HDAC9: variants seen among roughly 807,000 people sequenced by gnomAD.
The protein encoded by HDAC9 is MEF-2 interacting transcription repressor (MITR) protein.
Under a neutral mutation model 139.4 loss-of-function variants are expected in HDAC9, and 41 were observed. The ratio of observed to expected loss-of-function variants is 0.29; its 90% CI spans 0.23 to 0.38. The LOEUF is 0.38. HDAC9 is among the 10% of genes least tolerant of loss of function. The pLI is 1.00. For synonymous variants in HDAC9, 517 were observed against 476.2 expected (o/e 1.09, Z -1.12); for missense variants, 1,147 against 1,297.0 (o/e 0.88, Z 1.78).
At chr7:18,598,071 C>T (rs1583887730) in intron 6 of HDAC9, among the ~76,000 whole-genome samples, 1 of 152,166 alleles carries the variant, frequency 6.6e-6, no homozygotes, top group Middle Eastern at 3.4e-3. Context: ...CCTTGATGAC[C>T]TATTCAAGTC....
At chr7:18,283,867 A>G (rs188167863) in intron 2 of HDAC9, among the ~76,000 whole-genome samples, 3 of 152,324 alleles carry the variant, frequency 2.0e-5, no homozygotes, top group Non-Finnish European at 4.4e-5. Flanking sequence ...GGATTTTTGG[A>G]AAGTATTAAA....
chr7:18,291,240 T>C (rs1477598272), intron 1 of HDAC9, among the ~76,000 whole-genome samples: 1 of 152,102 alleles, frequency 6.6e-6, no homozygotes, highest in Non-Finnish European at 1.5e-5. Flanking sequence ...TTATGAGTCA[T>C]AGAAAGCACA....
intron 1 of HDAC9, among the ~76,000 whole-genome samples, chr7:18,358,157 C>T (rs1305979310): frequency 6.6e-6 from 1 of 152,090 alleles, no homozygotes; most frequent in Non-Finnish European, 1.5e-5. Context: ...CCATGCATTC[C>T]AGCCTGGGCA....
intron 13 of HDAC9, among the ~76,000 whole-genome samples, chr7:18,748,697 G>T (rs1167647798): frequency 6.6e-6 from 1 of 152,178 alleles, no homozygotes; most frequent in East Asian, 1.9e-4. Context: ...ATACTGGTAA[G>T]ATTACAATAT....
chr7:18,451,401 G>GTGTATA (rs760861605), intron 1 of HDAC9, among the ~76,000 whole-genome samples: 20 of 135,212 alleles, frequency 1.5e-4, no homozygotes, highest in South Asian at 2.3e-4. Flanking sequence ...GTGTGTGTGT[G>GTGTATA]TATATATGTG....
At chr7:18,898,801 T>C (rs1397719276) in intron 22 of HDAC9, among the ~76,000 whole-genome samples, 1 of 151,928 alleles carries the variant, frequency 6.6e-6, no homozygotes, top group East Asian at 1.9e-4. Flanking sequence ...GTCTATCTGA[T>C]TGCATAGTGG....
intron 1 of HDAC9, among the ~76,000 whole-genome samples, chr7:18,416,361 A>G (rs1412348042): frequency 1.3e-5 from 2 of 151,908 alleles, no homozygotes; most frequent in African/African-American, 4.8e-5. Flanking sequence ...GGAGATTACT[A>G]TTTTCTGTAG....
chr7:18,885,457 A>T (rs1261095095), intron 22 of HDAC9, among the ~76,000 whole-genome samples: 1 of 152,140 alleles, frequency 6.6e-6, no homozygotes, highest in Non-Finnish European at 1.5e-5. Context: ...TATTTTTTGT[A>T]TTAATATCAT....
At chr7:18,658,899 CAAA>C in intron 11 of HDAC9, among the ~76,000 whole-genome samples, 1 of 118,160 alleles carries the variant, frequency 8.5e-6, no homozygotes, top group African/African-American at 2.8e-5. Flanking sequence ...AAAAAAAAAG[CAAA>C]AAAAAAAAAA....
chr7:18,937,014 T>A (rs557980907), intron 23 of HDAC9, among the ~76,000 whole-genome samples: 132 of 150,458 alleles, frequency 8.8e-4, no homozygotes, highest in African/African-American at 3.0e-3. Flanking sequence ...ATTGCTCAAG[T>A]ACTTTGCTCT....
At chr7:18,772,950 A>G (rs768584526) in intron 16 of HDAC9, among the ~76,000 whole-genome samples, 14 of 152,264 alleles carry the variant, frequency 9.2e-5, no homozygotes, top group Middle Eastern at 3.4e-3. Flanking sequence ...TGTATACTCA[A>G]TAATAGTTGT....
chr7:18,209,117 G>A (rs756068030), intron 2 of HDAC9, among the ~76,000 whole-genome samples: 1 of 152,112 alleles, frequency 6.6e-6, no homozygotes, highest in Non-Finnish European at 1.5e-5. Flanking sequence ...ATAAACCACT[G>A]TAGGCATAGA....
At chr7:18,923,003 A>C (rs556279103) in intron 22 of HDAC9, among the ~76,000 whole-genome samples, 7 of 152,204 alleles carry the variant, frequency 4.6e-5, no homozygotes, top group African/African-American at 1.4e-4. Flanking sequence ...GATGAGTTAC[A>C]CAACTCTTTT....
intron 22 of HDAC9, among the ~76,000 whole-genome samples, chr7:18,912,355 T>C (rs180989543): frequency 1.3e-5 from 2 of 152,220 alleles, no homozygotes; most frequent in African/African-American, 2.4e-5. Flanking sequence ...AATGAGATAA[T>C]ATTTTAAAAC....
At chr7:18,395,950 A>T (rs535466053) in intron 1 of HDAC9, among the ~76,000 whole-genome samples, 2 of 152,208 alleles carry the variant, frequency 1.3e-5, no homozygotes, top group South Asian at 4.1e-4. Context: ...GTTTTAAATT[A>T]TGTTTTGATA....
intron 1 of HDAC9, among the ~76,000 whole-genome samples, chr7:18,093,517 A>G (rs1197237101): frequency 4.6e-5 from 7 of 152,218 alleles, no homozygotes; most frequent in African/African-American, 1.7e-4. Flanking sequence ...TTTTCTCAGC[A>G]GGAAGTACAT....
chr7:18,989,701 T>C (rs547528292), intron 25 of HDAC9, among the ~76,000 whole-genome samples: 2,528 of 145,784 alleles, frequency 0.017, 85 homozygotes, highest in African/African-American at 0.059. Flanking sequence ...CAATCAGACG[T>C]AGATTTGGTC....
chr7:18,248,458 A>C (rs938681738), intron 2 of HDAC9, among the ~76,000 whole-genome samples: 42 of 152,118 alleles, frequency 2.8e-4, no homozygotes, highest in African/African-American at 9.9e-4. Flanking sequence ...AAAGGGGAGA[A>C]AGCCCTTGAA....
At chr7:18,683,442 C>A (rs1345257215) in intron 12 of HDAC9, among the ~76,000 whole-genome samples, 1 of 151,980 alleles carries the variant, frequency 6.6e-6, no homozygotes, top group Non-Finnish European at 1.5e-5. Flanking sequence ...CATTAAACAT[C>A]GCTACTTCTG....
Sources: allele counts gnomAD v4.1 joint callset (sites outside exome capture counted in the v4.1 genomes callset), GRCh38; gene constraint gnomAD v4.1.1; transcripts MANE v1.5; gene names NCBI Gene and HGNC (gene_info 2026-07-23, HGNC 2026-07-21).